KCNIP3: variants seen among roughly 807,000 people sequenced by gnomAD.
The protein encoded by KCNIP3 is potassium voltage-gated channel interacting protein 3.
In KCNIP3, 28 loss-of-function variants were observed where a neutral mutation model predicts 35.0. That is an observed-to-expected ratio of 0.80 (90% CI 0.59 to 1.10). The LOEUF is 1.10. KCNIP3 is among the 50% of genes least tolerant of loss of function. KCNIP3 has a pLI of 0.00. For synonymous variants in KCNIP3, 134 were observed against 133.8 expected (o/e 1.00, Z -0.01); for missense variants, 295 against 338.4 (o/e 0.87, Z 1.01).
rs775946410 is a variant in KCNIP3, at chr2:95,325,945, ACT to A, written c.181+15427_181+15428del. Among the ~76,000 whole-genome samples, 47 of 151,498 alleles carry A rather than the reference ACT, an allele frequency of 3.1e-4. 1 individual carries two copies. Among genetic ancestry groups the A allele is most frequent in the East Asian group, 2.3e-3 (12 of 5,140 alleles). ...CACACTCATACACATACACATACAC[ACT>A]CACACATACACACACTCATAGGCAC... On this transcript the variant is annotated intron_variant, in intron 2 of 8. Coordinates refer to ENST00000295225, the MANE Select transcript of KCNIP3 (RefSeq NM_013434.5).
chr2:95,371,032 G>A (rs1680030232), intron 2 of KCNIP3, among the ~76,000 whole-genome samples: 1 of 152,128 alleles, frequency 6.6e-6, no homozygotes, highest in African/African-American at 2.4e-5. Flanking sequence ...GCCTCCCAAA[G>A]TGCTGGGATT....
At chr2:95,344,330 CAGGGA>C (rs898209869) in intron 2 of KCNIP3, among the ~76,000 whole-genome samples, 2 of 152,140 alleles carry the variant, frequency 1.3e-5, no homozygotes, top group African/African-American at 4.8e-5. Context: ...CTCCAAGTCC[CAGGGA>C]AGGGGAGTGT....
At chr2:95,309,909 G>T (rs899884510) in intron 1 of KCNIP3, among the ~76,000 whole-genome samples, 11 of 152,246 alleles carry the variant, frequency 7.2e-5, no homozygotes, top group Non-Finnish European at 1.2e-4. Flanking sequence ...CTCAGGCAGA[G>T]CAGGGGCCCT....
At chr2:95,347,964 C>T (rs1488537899) in intron 2 of KCNIP3, among the ~76,000 whole-genome samples, 2 of 152,234 alleles carry the variant, frequency 1.3e-5, no homozygotes, top group Non-Finnish European at 2.9e-5. Flanking sequence ...TGGGAGCTGC[C>T]CAGCAGCCCC....
intron 1 of KCNIP3, among the ~76,000 whole-genome samples, chr2:95,303,829 A>AC (rs1271321926): frequency 1.3e-5 from 2 of 152,268 alleles, no homozygotes; most frequent in African/African-American, 4.8e-5. Context: ...CAATAGAGAC[A>AC]TGATGCAAGC....
At position 95,329,865 on chromosome 2, in the gene KCNIP3, G is replaced by A. The variant is rs140970602; in HGVS notation, c.181+19345G>A. On this transcript the variant is annotated intron_variant, in intron 2 of 8. Transcript: ENST00000295225. Reference sequence around the variant, plus strand: ...TCTTAAAAACAGCTCTTCCCTGCGCGTCTTTAATAATTCAACTCCTAATTG... The same window carrying A: ...TCTTAAAAACAGCTCTTCCCTGCGCATCTTTAATAATTCAACTCCTAATTG... Among the ~76,000 whole-genome samples the A allele has an allele frequency of 1.7e-4, 26 of 152,370 alleles. 1 individual carries two copies. The East Asian group carries it at 4.2e-3, about 25-fold the overall frequency.
At chr2:95,357,939 C>T (rs1376538153) in intron 2 of KCNIP3, among the ~76,000 whole-genome samples, 1 of 152,192 alleles carries the variant, frequency 6.6e-6, no homozygotes, top group Non-Finnish European at 1.5e-5. Context: ...CAGTGTCACA[C>T]AGGGGCATGA....
At chr2:95,349,737 C>T (rs1679465076) in intron 2 of KCNIP3, among the ~76,000 whole-genome samples, 3 of 152,220 alleles carry the variant, frequency 2.0e-5, no homozygotes, top group Non-Finnish European at 2.9e-5. Flanking sequence ...CAGTCCTCAT[C>T]CTGTCTGCTT....
At chr2:95,310,619 C>G (rs1211760389) in intron 2 of KCNIP3, 99 bp downstream of exon 2, 14 of 1,336,564 alleles carry the variant, frequency 1.0e-5, no homozygotes, top group Non-Finnish European at 1.5e-5. Context: ...GGGACCCCAG[C>G]CTGGGCTACA....
intron 2 of KCNIP3, among the ~76,000 whole-genome samples, chr2:95,332,246 C>A (rs1678950021): frequency 6.6e-6 from 1 of 152,266 alleles, no homozygotes; most frequent in Non-Finnish European, 1.5e-5. Context: ...GGCCCTGGCG[C>A]TCTGGGGCAG....
At chr2:95,314,218 G>T (rs1186183888) in intron 2 of KCNIP3, among the ~76,000 whole-genome samples, 4 of 152,136 alleles carry the variant, frequency 2.6e-5, no homozygotes, top group African/African-American at 7.2e-5. Flanking sequence ...AATACGTAAA[G>T]ATCTATAAAC....
intron 2 of KCNIP3, among the ~76,000 whole-genome samples, chr2:95,326,138 G>GAC (rs971124176): frequency 1.3e-5 from 2 of 149,288 alleles, no homozygotes; most frequent in Non-Finnish European, 1.5e-5. Flanking sequence ...TATAAAGTCA[G>GAC]ACACACATAC....
At position 95,375,028 on chromosome 2, in the gene KCNIP3, G is replaced by A. The variant is rs534004352; in HGVS notation, c.377-110G>A. On this transcript the variant is annotated intron_variant, in intron 4 of 8. Transcript: ENST00000295225. Reference sequence around the variant, plus strand: ...TGCTGCCCCTGTCCCGTGGGAAACAGGGACTCCAAGCCAGGACGCAGTTAG... The same window carrying A: ...TGCTGCCCCTGTCCCGTGGGAAACAAGGACTCCAAGCCAGGACGCAGTTAG... 5.4e-5 allele frequency: 82 copies of A among 1,517,252 alleles called. 1 individual carries two copies. The East Asian group carries it at 1.8e-3, about 34-fold the overall frequency. 94.0% of individuals were successfully genotyped at this position (1,517,252 alleles called of 1,614,324 possible).
chr2:95,338,568 A>G (rs1227719241), intron 2 of KCNIP3, among the ~76,000 whole-genome samples: 1 of 152,174 alleles, frequency 6.6e-6, no homozygotes, highest in African/African-American at 2.4e-5. Flanking sequence ...GGCCCAAACT[A>G]TATCACATGG....
intron 2 of KCNIP3, among the ~76,000 whole-genome samples, chr2:95,314,528 C>T (rs1306715908): frequency 2.0e-5 from 3 of 152,210 alleles, no homozygotes; most frequent in Admixed American, 6.5e-5. Context: ...TAGAAGCCCC[C>T]ACTGACTTTC....
intron 2 of KCNIP3, among the ~76,000 whole-genome samples, chr2:95,362,141 C>G (rs998950487): frequency 3.3e-5 from 5 of 150,418 alleles, no homozygotes; most frequent in Admixed American, 2.7e-4. Flanking sequence ...GAGTCTTGCT[C>G]TGTCACCCAG....
intron 2 of KCNIP3, among the ~76,000 whole-genome samples, chr2:95,366,008 T>G (rs753780755): frequency 6.6e-6 from 1 of 152,140 alleles, no homozygotes; most frequent in Non-Finnish European, 1.5e-5. Flanking sequence ...TTTTTGGAGA[T>G]GGGGTCTCTG....
intron 2 of KCNIP3, 188 bp downstream of exon 2, chr2:95,310,708 C>G: frequency 1.6e-6 from 1 of 638,978 alleles, no homozygotes; most frequent in South Asian, 1.9e-5. Context: ...TTCACACAGG[C>G]CACTGAGCTC....
intron 2 of KCNIP3, among the ~76,000 whole-genome samples, chr2:95,346,155 C>A (rs1321463108): frequency 6.6e-6 from 1 of 152,206 alleles, no homozygotes; most frequent in African/African-American, 2.4e-5. Flanking sequence ...AGCCTGGGCC[C>A]AGTTTAATCT....
Sources: allele counts gnomAD v4.1 joint callset (sites outside exome capture counted in the v4.1 genomes callset), GRCh38; gene constraint gnomAD v4.1.1; transcripts MANE v1.5; gene names NCBI Gene and HGNC (gene_info 2026-07-23, HGNC 2026-07-21).